UBA5: variants seen among roughly 807,000 people sequenced by gnomAD.
UBA5 encodes ubiquitin-like modifier-activating enzyme 5.
A neutral mutation model predicts 52.9 loss-of-function variants in UBA5; 28 were observed. The ratio of observed to expected loss-of-function variants is 0.53; its 90% confidence interval spans 0.39 to 0.73. The LOEUF (loss-of-function observed/expected upper bound fraction) is 0.73, where lower values mean the gene tolerates loss of function less well. Ranked by LOEUF, UBA5 falls within the 30% of genes least tolerant of loss-of-function variation. The pLI is 0.00. For missense variants in UBA5, 388 were observed against 492.7 expected, an observed-to-expected ratio of 0.79 and a Z score of 2.01; for synonymous variants, 135 against 162.1, an observed-to-expected ratio of 0.83 and a Z score of 1.27.
upstream of UBA5, among the ~76,000 whole-genome samples, chr3:132,658,046 G>A (rs1366771003): frequency 6.6e-6 from 1 of 151,960 alleles, no homozygotes; most frequent in Non-Finnish European, 1.5e-5. Context: ...ATCTTTAGTA[G>A]AGATGGGGGT....
chr3:132,678,320 A>C lies in UBA5; in HGVS notation c.*1794A>C, dbSNP rs147125922. The stretch of plus-strand genomic sequence containing the variant: ...CAGTCTGTATGCCATGAAAACTTGC[A>C]TAAGAAGGCAGCTGATTACGAAAAA... On this transcript the variant is annotated 3_prime_UTR_variant, in exon 12 of 12. Coordinates refer to ENST00000356232, the MANE Select transcript of UBA5 (RefSeq NM_024818.6). Among the ~76,000 whole-genome samples the C allele has an allele frequency of 1.9e-3, 290 of 152,338 alleles. 1 individual carries two copies. Among genetic ancestry groups the C allele is most frequent in the African/African-American group, 6.5e-3 (271 of 41,580 alleles).
Position 132,677,102 on chromosome 3 carries a change from T to C in UBA5, c.*576T>C. 1 of 259,712 alleles carries C rather than the reference T, an allele frequency of 3.9e-6. No homozygotes were observed. The highest frequency in any genetic ancestry group is 4.6e-5 in the South Asian group (1 of 21,976). 16.1% of individuals were successfully genotyped at this position (259,712 alleles called of 1,614,324 possible). A position where few individuals can be genotyped will look rare whatever the true frequency, so the allele number is the denominator to read the frequency against. ...TGCTGATGAAGTACAAGTTGAAATG[T>C]AGTTATTGGAAAAGTCTGTAACCTG... On this transcript the variant is annotated 3_prime_UTR_variant, in exon 12 of 12. Coordinates refer to ENST00000356232, the MANE Select transcript of UBA5 (RefSeq NM_024818.6).
intron 3 of UBA5, among the ~76,000 whole-genome samples, chr3:132,666,738 TAAAAG>T (rs1263016295): frequency 6.6e-6 from 1 of 152,120 alleles, no homozygotes; most frequent in Non-Finnish European, 1.5e-5. Flanking sequence ...CCCAAATTCT[TAAAAG>T]AAGGTGATTT....
intron 8 of UBA5, among the ~76,000 whole-genome samples, chr3:132,674,670 C>T (rs1052031501): frequency 6.6e-6 from 1 of 152,116 alleles, no homozygotes; most frequent in East Asian, 1.9e-4. Context: ...GCCTGGGCAA[C>T]AGAGTAAAAA....
intron 9 of UBA5, 84 bp downstream of exon 9, chr3:132,675,467 T>C: frequency 6.5e-7 from 1 of 1,531,316 alleles, no homozygotes; most frequent in Non-Finnish European, 8.9e-7. Flanking sequence ...AGATAAATGG[T>C]TAATTTATTC....
At position 132,675,243 on chromosome 3, in the gene UBA5, T is replaced by C; in HGVS notation, c.813-5T>C. On this transcript the variant is annotated splice_region_variant and splice_polypyrimidine_tract_variant and intron_variant, in intron 8 of 11. Coordinates refer to ENST00000356232, the MANE Select transcript of UBA5 (RefSeq NM_024818.6). ...CTTTATTTAAGTCTATTTTGATTTT[T>C]CTAGGTTTCTGTTAAATTTTGGTAC... The C allele has an allele frequency of 1.3e-6, 2 of 1,589,252 alleles. No individual in the cohort carries two copies. Among genetic ancestry groups the C allele is most frequent in the Non-Finnish European group, 1.7e-6 (2 of 1,162,856 alleles).
chr3:132,678,148 TCACTGCCTGTGTCTTA>T lies in UBA5; in HGVS notation c.*1629_*1644del, dbSNP rs1402707840. ...TATCTGCTCTCAAGTTGGCATTGCA[TCACTGCCTGTGTCTTA>T]CACTGCACCAAATGTTACCTAATTG... On this transcript the variant is annotated 3_prime_UTR_variant, in exon 12 of 12. Coordinates refer to ENST00000356232, the MANE Select transcript of UBA5 (RefSeq NM_024818.6). 1 of 152,230 alleles carries T rather than the reference TCACTGCCTGTGTCTTA, an allele frequency of 6.6e-6. No individual in the cohort carries two copies. The highest frequency in any genetic ancestry group is 1.5e-5 in the Non-Finnish European group (1 of 68,032). The allele number at this position is 152,230 out of a possible 1,614,324, so 9.4% of individuals were successfully genotyped here.
Position 132,660,450 on chromosome 3 carries a change from G to A in UBA5, c.-88G>A. On this transcript the variant is annotated 5_prime_UTR_variant, in exon 1 of 12. Transcript: ENST00000356232. The surrounding 1 kb of genome is among the most constrained non-coding windows in gnomAD (Gnocchi z 4.1). ...AGGCAGCGGCGAGGTGCCTCCCCAC[G>A]TACCCCTCGCGGGCCCAGCCGAGCA... The A allele has an allele frequency of 9.3e-6, 14 of 1,501,466 alleles. No individual in the cohort carries two copies. Among genetic ancestry groups the A allele is most frequent in the Non-Finnish European group, 1.3e-5 (14 of 1,119,472 alleles). 93.0% of individuals were successfully genotyped at this position (1,501,466 alleles called of 1,614,324 possible). A position where few individuals can be genotyped will look rare whatever the true frequency, so the allele number is the denominator to read the frequency against.
chr3:132,660,693 C>T lies in UBA5; in HGVS notation c.156C>T (p.Pro52=). 1 of 1,555,778 alleles carries T rather than the reference C, an allele frequency of 6.4e-7. No individual in the cohort carries two copies. Among genetic ancestry groups the T allele is most frequent in the Non-Finnish European group, 8.7e-7 (1 of 1,147,598 alleles). ...GCTCAGAGGTGGTGGATTCGAATCC[C>T]TACAGGTAACCTGCGTCGCCGGTCG... ...KMSSEVVDSN[P]YSRLMALKRM... is the part of the protein sequence containing the mutation. The change falls in exon 1 of 12, where the codon CCC becomes CCT. Residue 52 remains proline (P), a synonymous_variant. Transcript: ENST00000356232. This position sits in a 1 kb window ranked among gnomAD's most constrained non-coding sequence, Gnocchi z 4.1.
chr3:132,670,071 T>G (rs780425506), intron 4 of UBA5, 127 bp from the exon 5 acceptor site: 5 of 589,020 alleles, frequency 8.5e-6, no homozygotes, highest in Non-Finnish European at 1.5e-5. Flanking sequence ...TCCCCCAGGT[T>G]GGGGTGCAGT....
Position 132,660,707 on chromosome 3 carries a change from C to A in UBA5, c.161+9C>A. 1 of 1,531,232 alleles carries A rather than the reference C, an allele frequency of 6.5e-7. No individual in the cohort carries two copies. The highest frequency in any genetic ancestry group is 1.2e-5 in the South Asian group (1 of 81,674). 94.9% of individuals were successfully genotyped at this position (1,531,232 alleles called of 1,614,324 possible). On this transcript the variant is annotated intron_variant, in intron 1 of 11. Coordinates refer to ENST00000356232, the MANE Select transcript of UBA5 (RefSeq NM_024818.6). The surrounding 1 kb of genome is among the most constrained non-coding windows in gnomAD (Gnocchi z 4.1). ...GATTCGAATCCCTACAGGTAACCTG[C>A]GTCGCCGGTCGGAGGCAGGCGCGGG... is the stretch of plus-strand genomic sequence containing the variant.
At chr3:132,668,183 GT>G (rs1212598875) in intron 3 of UBA5, 3 of 152,158 alleles carry the variant, frequency 2.0e-5, no homozygotes, top group African/African-American at 7.3e-5. Context: ...GTGTGTGTGT[GT>G]GTGTGTGTGT....
intron 7 of UBA5, 42 bp from the exon 8 acceptor site, chr3:132,672,008 T>C: frequency 6.2e-7 from 1 of 1,609,470 alleles, no homozygotes. Context: ...CATCTCATAC[T>C]TTTTCTCTTT....
At position 132,675,647 on chromosome 3, in the gene UBA5, G is replaced by C; in HGVS notation, c.991G>C (p.Glu331Gln). The C allele has an allele frequency of 6.2e-7, 1 of 1,612,802 alleles. No individual in the cohort carries two copies. Among genetic ancestry groups the C allele is most frequent in the African/African-American group, 1.3e-5 (1 of 74,988 alleles). Residue 331 changes from glutamate (E) to glutamine (Q), a missense_variant, in exon 10 of 12, where the codon GAG (glutamate) becomes CAG (glutamine). By Grantham distance (29) the Glu-to-Gln change is conservative. Around this residue, in one of 3 missense-constraint regions of UBA5, gnomAD observed 277 missense variants for 326.4 expected, o/e 0.85. Transcript: ENST00000356232. ...ALPKQEVIQE[E>Q]EEIIHEDNEW... ...GCCTAAACAAGAGGTTATACAAGAA[G>C]AGGAAGAGATAATCCATGAAGATAA... is the stretch of plus-strand genomic sequence containing the variant.
At chr3:132,668,037 T>C (rs1938446855) in intron 3 of UBA5, 1 of 152,154 alleles carries the variant, frequency 6.6e-6, no homozygotes, top group African/African-American at 2.4e-5. Context: ...TTTTTGTTTT[T>C]ATTGTTTAGT....
rs1350261268 is a variant in UBA5 at position 132,671,060 on chromosome 3, C to T, written c.579+11C>T. On this transcript the variant is annotated intron_variant, in intron 6 of 11. Coordinates refer to ENST00000356232, the MANE Select transcript of UBA5 (RefSeq NM_024818.6). The stretch of plus-strand genomic sequence containing the variant: ...ATGACAATAAATACAGTGAGTATTC[C>T]TGCTGTGCAAGATATATTCATGGAT... The T allele has an allele frequency of 4.4e-6, 7 of 1,601,412 alleles. No homozygotes were observed. The highest frequency in any genetic ancestry group is 6.0e-6 in the Non-Finnish European group (7 of 1,169,220).
chr3:132,663,939 C>A (rs151071511), intron 1 of UBA5, among the ~76,000 whole-genome samples: 160 of 152,116 alleles, frequency 1.1e-3, no homozygotes, highest in African/African-American at 3.6e-3. Flanking sequence ...AAATGAAAAT[C>A]TTAATAGAAG....
rs1202439079 is a variant in UBA5 at position 132,666,030 on chromosome 3, G to C, written c.254G>C (p.Gly85Ala). 1 of 1,613,540 alleles carries C rather than the reference G, an allele frequency of 6.2e-7. No individual in the cohort carries two copies. The highest frequency in any genetic ancestry group is 1.1e-5 in the South Asian group (1 of 91,072). ...AVAIVGVGGV[G>A]SVTAEMLTRC... is the part of the protein sequence containing the mutation. ...GCAATAGTAGGTGTTGGTGGAGTAG[G>C]TAGTGTGACTGCTGAAATGCTGACA... The change falls in exon 3 of 12, where the codon GGT (glycine) becomes GCT (alanine). Residue 85 changes from glycine (G) to alanine (A), a missense_variant. Gly to Ala is a moderately conservative substitution (Grantham distance 60). Coordinates refer to ENST00000356232, the MANE Select transcript of UBA5 (RefSeq NM_024818.6).
chr3:132,677,762 T>TA lies in UBA5; in HGVS notation c.*1236_*1237insA, dbSNP rs1938896618. ...TACATCCCTGATTGTAAAATAAAGT[T>TA]CAAAAAACTGATTTCAGAAAGTCTC... On this transcript the variant is annotated 3_prime_UTR_variant, in exon 12 of 12. Transcript: ENST00000356232. 3 of 152,310 alleles carry TA rather than the reference T, an allele frequency of 2.0e-5. No homozygotes were observed. The South Asian group carries it at 6.2e-4, about 32-fold the overall frequency. The allele number at this position is 152,310 out of a possible 1,614,324, so 9.4% of individuals were successfully genotyped here.
Sources: allele counts gnomAD v4.1 joint callset (sites outside exome capture counted in the v4.1 genomes callset), GRCh38; gene constraint gnomAD v4.1.1; regional missense constraint gnomAD v4.1.1; non-coding constraint Gnocchi (gnomAD v3.1); transcripts MANE v1.5; gene names NCBI Gene and HGNC (gene_info 2026-07-23, HGNC 2026-07-21).